XYLT1: variants seen among roughly 807,000 people sequenced by gnomAD.
XYLT1 encodes beta-D-xylosyltransferase 1.
A neutral mutation model predicts 91.3 loss-of-function variants in XYLT1; 36 were observed. The ratio of observed to expected loss-of-function variants is 0.39; its 90% confidence interval spans 0.30 to 0.52. The LOEUF is 0.52. XYLT1 is among the 20% of genes least tolerant of loss of function. XYLT1 has a pLI of 0.68. For missense variants in XYLT1, 1,242 were observed against 1,284.5 expected, an observed-to-expected ratio of 0.97 and a Z score of 0.51; for synonymous variants, 588 against 532.0, an observed-to-expected ratio of 1.11 and a Z score of -1.45.
At chr16:17,111,538 A>G (rs561784005) in intron 11 of XYLT1, among the ~76,000 whole-genome samples, 1 of 152,352 alleles carries the variant, frequency 6.6e-6, no homozygotes, top group East Asian at 1.9e-4. Flanking sequence ...TGTTTGCCTG[A>G]CAGCAGCTGC....
chr16:17,431,257 T>C (rs1335100444), intron 1 of XYLT1, among the ~76,000 whole-genome samples: 1 of 152,188 alleles, frequency 6.6e-6, no homozygotes, highest in East Asian at 1.9e-4. Flanking sequence ...TGCTGACCTA[T>C]GGCTTAGAGC....
intron 1 of XYLT1, among the ~76,000 whole-genome samples, chr16:17,449,018 T>C (rs139520842): frequency 0.016 from 2,416 of 152,268 alleles, 70 homozygotes; most frequent in African/African-American, 0.056. Context: ...CTCTACTGCA[T>C]TGCACTTCAT....
chr16:17,289,265 G>A (rs968370404), intron 2 of XYLT1, among the ~76,000 whole-genome samples: 2 of 152,276 alleles, frequency 1.3e-5, no homozygotes, highest in South Asian at 4.1e-4. Context: ...GGCCAGATTT[G>A]GCCTGTGAAT....
Position 17,470,812 on chromosome 16 carries a change from G to A in XYLT1, c.-16C>T, listed in dbSNP as rs1193115425. The A allele has an allele frequency of 6.1e-6, 6 of 990,212 alleles. No homozygotes were observed. Among genetic ancestry groups the A allele is most frequent in the African/African-American group, 3.6e-5 (2 of 56,158 alleles). The allele number at this position is 990,212 out of a possible 1,614,324, so 61.3% of individuals were successfully genotyped here. On this transcript the variant is annotated 5_prime_UTR_variant, in exon 1 of 12. Transcript: ENST00000261381. Reference sequence around the variant, plus strand: ...CCGCCACCATCTTCGGAGCGCGGCCGGCGAGCGAGGCGCGGGGACCCCGGC... The same window carrying A: ...CCGCCACCATCTTCGGAGCGCGGCCAGCGAGCGAGGCGCGGGGACCCCGGC...
At chr16:17,445,335 A>C (rs749795187) in intron 1 of XYLT1, among the ~76,000 whole-genome samples, 2 of 152,250 alleles carry the variant, frequency 1.3e-5, no homozygotes, top group Non-Finnish European at 2.9e-5. Flanking sequence ...TGGCACGTAG[A>C]GGCTGCTCCA....
chr16:17,297,865 C>T (rs1446485191), intron 2 of XYLT1, among the ~76,000 whole-genome samples: 3 of 151,988 alleles, frequency 2.0e-5, no homozygotes, highest in Non-Finnish European at 4.4e-5. Context: ...ACTAAAAATA[C>T]AAAACATTAG....
intron 1 of XYLT1, among the ~76,000 whole-genome samples, chr16:17,424,476 G>C (rs577894769): frequency 5.3e-4 from 81 of 152,298 alleles, no homozygotes; most frequent in African/African-American, 1.8e-3. Context: ...AGCTTAGGTT[G>C]AGCTAAGTAA....
At chr16:17,282,279 C>T (rs1243338111) in intron 2 of XYLT1, among the ~76,000 whole-genome samples, 1 of 152,160 alleles carries the variant, frequency 6.6e-6, no homozygotes, top group Admixed American at 6.5e-5. Context: ...GACTTCCCTA[C>T]CCCCTGGCCA....
chr16:17,240,484 G>T (rs1225711036), intron 3 of XYLT1, among the ~76,000 whole-genome samples: 4 of 152,178 alleles, frequency 2.6e-5, no homozygotes, highest in Non-Finnish European at 4.4e-5. Flanking sequence ...ATGTGAGCAG[G>T]TAAGTTAGGA....
intron 1 of XYLT1, among the ~76,000 whole-genome samples, chr16:17,393,807 G>C (rs531063662): frequency 2.0e-5 from 3 of 151,838 alleles, no homozygotes; most frequent in Non-Finnish European, 2.9e-5. Context: ...ATGGAGCCTT[G>C]CTCTGTCGCC....
intron 8 of XYLT1, among the ~76,000 whole-genome samples, chr16:17,136,578 T>TTTGA (rs760272996): frequency 4.6e-5 from 7 of 152,210 alleles, no homozygotes; most frequent in Non-Finnish European, 1.0e-4. Flanking sequence ...TAGGCTGCTC[T>TTTGA]TTGATTATTA....
At chr16:17,326,738 T>G (rs1405523140) in intron 2 of XYLT1, among the ~76,000 whole-genome samples, 2 of 151,468 alleles carry the variant, frequency 1.3e-5, no homozygotes, top group Non-Finnish European at 2.9e-5. Flanking sequence ...GGCAGGAGAA[T>G]GGCGTGAACC....
At chr16:17,205,334 CTG>C (rs1390094826) in intron 3 of XYLT1, among the ~76,000 whole-genome samples, 1 of 152,236 alleles carries the variant, frequency 6.6e-6, no homozygotes, top group Non-Finnish European at 1.5e-5. Flanking sequence ...TGCTGTTCCA[CTG>C]TTGTGGTGCT....
chr16:17,205,454 A>G (rs986443655), intron 3 of XYLT1, among the ~76,000 whole-genome samples: 1 of 152,218 alleles, frequency 6.6e-6, no homozygotes, highest in African/African-American at 2.4e-5. Flanking sequence ...ATGACCTTGG[A>G]CCTTTTATGC....
chr16:17,377,949 G>C (rs2035624022), intron 1 of XYLT1, among the ~76,000 whole-genome samples: 1 of 152,210 alleles, frequency 6.6e-6, no homozygotes, highest in Non-Finnish European at 1.5e-5. Context: ...TGTACAAAGG[G>C]AAGAACTGAG....
intron 2 of XYLT1, among the ~76,000 whole-genome samples, chr16:17,311,374 A>C (rs2034546187): frequency 6.6e-6 from 1 of 152,150 alleles, no homozygotes; most frequent in African/African-American, 2.4e-5. Flanking sequence ...TGCTCATCAG[A>C]ATCATCTGGA....
intron 1 of XYLT1, among the ~76,000 whole-genome samples, chr16:17,468,782 G>T (rs912702309): frequency 2.0e-5 from 3 of 152,034 alleles, no homozygotes; most frequent in African/African-American, 4.8e-5. Context: ...GATACAGTAA[G>T]CCCCAGGCTT....
chr16:17,154,162 A>G (rs539244549), intron 6 of XYLT1, among the ~76,000 whole-genome samples: 3 of 152,176 alleles, frequency 2.0e-5, no homozygotes, highest in Non-Finnish European at 2.9e-5. Context: ...CCCCAATACC[A>G]TGATCATTAT....
intron 1 of XYLT1, among the ~76,000 whole-genome samples, chr16:17,404,991 A>G (rs1005003048): frequency 6.6e-6 from 1 of 152,182 alleles, no homozygotes; most frequent in South Asian, 2.1e-4. Flanking sequence ...GCCACACACA[A>G]GCACATAACT....
Sources: gnomAD v4.1 joint callset for allele counts (sites outside exome capture counted in the v4.1 genomes callset) on GRCh38, gnomAD v4.1.1 for gene constraint, MANE v1.5 for transcripts, NCBI Gene and HGNC (gene_info 2026-07-23, HGNC 2026-07-21) for gene names.